USP32: variants seen among roughly 807,000 people sequenced by gnomAD.
USP32 encodes ubiquitin specific peptidase 32.
A neutral mutation model predicts 204.8 loss-of-function variants in USP32; 59 were observed. That is an observed-to-expected ratio of 0.29 (90% CI 0.23 to 0.36). The LOEUF (loss-of-function observed/expected upper bound fraction) is 0.36. USP32 is among the 10% of genes least tolerant of loss of function. The pLI is 1.00. For synonymous variants in USP32, 517 were observed against 678.4 expected, an observed-to-expected ratio of 0.76 and a Z score of 3.70; for missense variants, 1,160 against 1,946.4, an observed-to-expected ratio of 0.60 and a Z score of 7.60.
intron 17 of USP32, 36 bp from the exon 18 acceptor site, chr17:60,213,698 T>A: frequency 7.8e-7 from 1 of 1,288,942 alleles, no homozygotes; most frequent in Non-Finnish European, 1.1e-6. Context: ...TGTTATTTGG[T>A]TAGTAAACTT....
intron 2 of USP32, among the ~76,000 whole-genome samples, chr17:60,337,411 G>A (rs1392656385): frequency 6.6e-6 from 1 of 152,014 alleles, no homozygotes; most frequent in Admixed American, 6.6e-5. Flanking sequence ...CTACCTTCAG[G>A]TCTCCTCGTC....
chr17:60,321,706 A>G (rs975847634), intron 2 of USP32, among the ~76,000 whole-genome samples: 3 of 152,242 alleles, frequency 2.0e-5, no homozygotes, highest in Admixed American at 6.5e-5. Flanking sequence ...AAAATTTTAC[A>G]ATGAAAAATA....
intron 1 of USP32, among the ~76,000 whole-genome samples, chr17:60,381,743 A>G (rs2089651033): frequency 2.0e-5 from 3 of 152,126 alleles, no homozygotes; most frequent in Admixed American, 6.5e-5. Context: ...TATCTCTCCT[A>G]TTACTTACGT....
chr17:60,231,340 A>T (rs1287405404), intron 12 of USP32, among the ~76,000 whole-genome samples: 1 of 152,222 alleles, frequency 6.6e-6, no homozygotes, highest in Non-Finnish European at 1.5e-5. Flanking sequence ...GCATGGAGCA[A>T]CAGATTAGGT....
chr17:60,383,385 C>T lies in USP32; in HGVS notation c.58+8497G>A, dbSNP rs572607108. Among the ~76,000 whole-genome samples, 5 of 152,260 alleles carry T rather than the reference C, an allele frequency of 3.3e-5. No individual in the cohort carries two copies. The East Asian group carries it at 7.7e-4, about 23-fold the overall frequency. On this transcript the variant is annotated intron_variant, in intron 1 of 33. Coordinates refer to ENST00000300896, the MANE Select transcript of USP32 (RefSeq NM_032582.4). Reference sequence around the variant, plus strand: ...CAAACATGAAAGCTCTCCACAACTTCTCTCCATTATTTATACATTTATACA... The same window carrying T: ...CAAACATGAAAGCTCTCCACAACTTTTCTCCATTATTTATACATTTATACA...
chr17:60,396,701 T>C (rs1189862843), upstream of USP32, among the ~76,000 whole-genome samples: 3 of 152,180 alleles, frequency 2.0e-5, no homozygotes, highest in Admixed American at 2.0e-4. Flanking sequence ...CACACAGGAT[T>C]CCTAAATTAA....
At chr17:60,274,323 T>A (rs1028229515) in intron 5 of USP32, among the ~76,000 whole-genome samples, 2 of 152,014 alleles carry the variant, frequency 1.3e-5, no homozygotes, top group African/African-American at 4.8e-5. Flanking sequence ...TAAGATAATA[T>A]CAAACATACA....
chr17:60,369,123 T>C lies in USP32; in HGVS notation c.58+22759A>G, dbSNP rs1292319482. Among the ~76,000 whole-genome samples the C allele has an allele frequency of 4.3e-5, 6 of 140,062 alleles. No homozygotes were observed. The East Asian group carries it at 1.2e-3, about 28-fold the overall frequency. 91.9% of individuals were successfully genotyped at this position (140,062 alleles called of 152,430 possible). ...CATTCTCCTGCCTCAGCCTCCCAAGTAGCTGGGACTACAGGCGCCCGCCAC... is the reference window on the plus strand; with the variant it reads ...CATTCTCCTGCCTCAGCCTCCCAAGCAGCTGGGACTACAGGCGCCCGCCAC... On this transcript the variant is annotated intron_variant, in intron 1 of 33. Coordinates refer to ENST00000300896, the MANE Select transcript of USP32 (RefSeq NM_032582.4).
chr17:60,336,577 G>A lies in USP32; in HGVS notation c.186+8904C>T, dbSNP rs1006126368. ...AAAAATACAAAAAAATTAGCCGGGC[G>A]TAGTGGCGGGCGCCTGTAGTCCCAG... On this transcript the variant is annotated intron_variant, in intron 2 of 33. Coordinates refer to ENST00000300896, the MANE Select transcript of USP32 (RefSeq NM_032582.4). Among the ~76,000 whole-genome samples, 13 of 143,332 alleles carry A rather than the reference G, an allele frequency of 9.1e-5. 1 individual carries two copies. Among genetic ancestry groups the A allele is most frequent in the East Asian group, 5.9e-4 (3 of 5,122 alleles). The allele number at this position is 143,332 out of a possible 152,430, so 94.0% of individuals were successfully genotyped here.
chr17:60,279,735 G>A (rs2086921633), intron 5 of USP32, among the ~76,000 whole-genome samples: 1 of 151,482 alleles, frequency 6.6e-6, no homozygotes, highest in African/African-American at 2.4e-5. Context: ...AAGTTGGGAG[G>A]CTGAGGTGGG....
At chr17:60,390,167 C>T (rs1378018490) in intron 1 of USP32, among the ~76,000 whole-genome samples, 2 of 152,142 alleles carry the variant, frequency 1.3e-5, no homozygotes, top group East Asian at 1.9e-4. Context: ...GTTTAAAATG[C>T]AATTAACTTC....
intron 2 of USP32, among the ~76,000 whole-genome samples, chr17:60,323,217 T>A (rs62082065): frequency 6.6e-6 from 1 of 152,052 alleles, no homozygotes; most frequent in African/African-American, 2.4e-5. Flanking sequence ...TTATTTATAA[T>A]AACAAAAAAG....
At chr17:60,261,650 A>T (rs1303540864) in intron 9 of USP32, among the ~76,000 whole-genome samples, 5 of 152,174 alleles carry the variant, frequency 3.3e-5, no homozygotes, top group African/African-American at 1.2e-4. Flanking sequence ...TCTCAAAAAA[A>T]CAAAAATAAA....
chr17:60,330,171 T>C (rs1372498822), intron 2 of USP32, among the ~76,000 whole-genome samples: 1 of 152,194 alleles, frequency 6.6e-6, no homozygotes, highest in Non-Finnish European at 1.5e-5. Flanking sequence ...AGCTTCTGGT[T>C]CAATTACTAG....
chr17:60,392,207 T>G (rs1287361780), upstream of USP32: 10 of 351,694 alleles, frequency 2.8e-5, no homozygotes, highest in Admixed American at 9.7e-5. Flanking sequence ...TCCCTCTCCT[T>G]CCCTCCTCAC....
At chr17:60,228,491 TTTTC>T (rs2085453715) in intron 12 of USP32, among the ~76,000 whole-genome samples, 1 of 145,896 alleles carries the variant, frequency 6.9e-6, no homozygotes, top group African/African-American at 2.7e-5. Flanking sequence ...TAGGTTTCTT[TTTTC>T]TTTTTCTTTT....
chr17:60,331,529 G>C (rs962981343), intron 2 of USP32, among the ~76,000 whole-genome samples: 1 of 150,468 alleles, frequency 6.6e-6, no homozygotes, highest in African/African-American at 2.4e-5. Context: ...TCATGCCACT[G>C]TACTCCAGCC....
chr17:60,193,426 T>C lies in USP32; in HGVS notation c.3435-496A>G, dbSNP rs145015306. 4.5e-3 allele frequency among the ~76,000 whole-genome samples: 680 copies of C among 152,346 alleles called. 9 individuals carry two copies. Among genetic ancestry groups the C allele is most frequent in the African/African-American group, 0.015 (626 of 41,572 alleles). ...CAGAGTTATAAGCTACATACCATTTTTGGAGTAACTGCTTTTAACTGCCAA... is the reference window on the plus strand; with the variant it reads ...CAGAGTTATAAGCTACATACCATTTCTGGAGTAACTGCTTTTAACTGCCAA... On this transcript the variant is annotated intron_variant, in intron 27 of 33. Transcript: ENST00000300896.
intron 4 of USP32, 64 bp downstream of exon 4, chr17:60,294,619 T>C (rs1403095154): frequency 9.5e-7 from 1 of 1,054,158 alleles, no homozygotes; most frequent in East Asian, 2.5e-5. Flanking sequence ...TTAAAACTTA[T>C]TACACAACTA....
Sources: allele counts gnomAD v4.1 joint callset (sites outside exome capture counted in the v4.1 genomes callset), GRCh38; gene constraint gnomAD v4.1.1; transcripts MANE v1.5; gene names NCBI Gene and HGNC (gene_info 2026-07-23, HGNC 2026-07-21).